RABL6: variants seen among roughly 807,000 people sequenced by gnomAD.
RABL6 encodes the protein RAB, member RAS oncogene family like 6.
In RABL6, 28 loss-of-function variants were observed where a neutral mutation model predicts 72.9. The observed-to-expected ratio is 0.38, with a 90% CI of 0.28 to 0.53. The LOEUF (loss-of-function observed/expected upper bound fraction) is 0.53, where lower values mean the gene tolerates loss of function less well. RABL6 is among the 20% of genes least tolerant of loss of function. The pLI, the probability that RABL6 is intolerant of heterozygous loss-of-function variation, is 0.80. For missense variants in RABL6, 1,029 were observed against 1,008.4 expected (o/e 1.02, Z -0.28); for synonymous variants, 477 against 421.2 (o/e 1.13, Z -1.62).
intron 7 of RABL6, chr9:136,832,789 T>A (rs1848505288): frequency 3.9e-6 from 1 of 253,604 alleles, no homozygotes; most frequent in African/African-American, 2.3e-5. Flanking sequence ...GTCACCGAGG[T>A]ACTCGCTGTT....
In RABL6 at chr9:136,821,749, G is replaced by A. The variant is rs377433053; in HGVS notation, c.131-1776G>A. The A allele has an allele frequency of 5.2e-6, 6 of 1,144,818 alleles. No individual in the cohort carries two copies. In the South Asian group the frequency reaches 6.7e-5, roughly 13 times the overall value. The allele number at this position is 1,144,818 out of a possible 1,614,324, so 70.9% of individuals were successfully genotyped here. On this transcript the variant is annotated intron_variant, in intron 1 of 14. Transcript: ENST00000311502. The stretch of plus-strand genomic sequence containing the variant: ...TGCTGTGCTCTCCACAGGCCGGGCC[G>A]CCGGGCTGGAGGGCGCTGCAGGCGG...
chr9:136,825,816 A>G lies in RABL6; in HGVS notation c.303A>G (p.Val101=), dbSNP rs753236429. Residue 101 remains valine (V), a synonymous_variant, in exon 3 of 15, where the codon GTA becomes GTG. Transcript: ENST00000311502. ...TCGTGAAGGTTGAAGTCTGGGATGT[A>G]GTAGACAAAGGTGAGGCGTCTCTGT... The part of the protein sequence containing the change: ...DDIVKVEVWD[V]VDKGKCKKRG... 6.2e-6 allele frequency: 10 copies of G among 1,612,958 alleles called. No individual in the cohort carries two copies. The highest frequency in any genetic ancestry group is 2.2e-5 in the South Asian group (2 of 91,046).
rs1443515546 is a variant in RABL6, at chr9:136,840,696, C to T, written c.*174C>T. ...AGGCTGGGCCCTGCAGGTGCTGGGC[C>T]TTCAGGCCCAGTGTGAGCCTGCTCT... On this transcript the variant is annotated 3_prime_UTR_variant, in exon 15 of 15. Transcript: ENST00000311502. 3.2e-6 allele frequency: 5 copies of T among 1,548,994 alleles called. No individual in the cohort carries two copies. The highest frequency in any genetic ancestry group is 4.4e-6 in the Non-Finnish European group (5 of 1,146,852).
chr9:136,820,482 C>T (rs977156331), intron 1 of RABL6, among the ~76,000 whole-genome samples: 2 of 152,106 alleles, frequency 1.3e-5, no homozygotes, highest in Admixed American at 6.5e-5. Flanking sequence ...AGCAATTCTC[C>T]TGCCTCAGCC....
chr9:136,840,758 C>T lies in RABL6; in HGVS notation c.*236C>T, dbSNP rs750443023. On this transcript the variant is annotated 3_prime_UTR_variant, in exon 15 of 15. Coordinates refer to ENST00000311502, the MANE Select transcript of RABL6 (RefSeq NM_024718.5). ...GGGGACAGCTGGCTTCAGCCAGGCT[C>T]GGTGGACACCCTGGCCCTCTCGGGG... 8.8e-5 allele frequency: 137 copies of T among 1,548,088 alleles called. No homozygotes were observed. Among genetic ancestry groups the T allele is most frequent in the African/African-American group, 2.7e-5 (2 of 72,984 alleles).
At chr9:136,821,073 C>G (rs1367753760) in intron 1 of RABL6, among the ~76,000 whole-genome samples, 3 of 152,228 alleles carry the variant, frequency 2.0e-5, no homozygotes, top group Non-Finnish European at 4.4e-5. Context: ...AATGAGCTCC[C>G]CGCGTTCATG....
In RABL6 at chr9:136,839,433, G is replaced by C; in HGVS notation, c.1705G>C (p.Val569Leu). 6.2e-7 allele frequency: 1 copy of C among 1,612,608 alleles called. No homozygotes were observed. Among genetic ancestry groups the C allele is most frequent in the East Asian group, 2.2e-5 (1 of 44,872 alleles). Reference sequence around the variant, plus strand: ...CATTGCTGCACAAATGCTGTCCTTCGTCATGGATGACCCCGACTTTGAGAG... The same window carrying C: ...CATTGCTGCACAAATGCTGTCCTTCCTCATGGATGACCCCGACTTTGAGAG... ...GPIAAQMLSF[V>L]MDDPDFESEG... The change falls in exon 12 of 15, where the codon GTC becomes CTC. Residue 569 changes from valine (V) to leucine (L), a missense_variant. This residue lies in a region of RABL6 where 595 missense variants were observed against 472.4 expected (regional missense o/e 1.26). Transcript: ENST00000311502.
At chr9:136,835,705 G>A (rs1396487568) in intron 7 of RABL6, 37 bp from the exon 8 acceptor site, 1 of 1,516,652 alleles carries the variant, frequency 6.6e-7, no homozygotes. Flanking sequence ...GCAGCAGGAA[G>A]GAGCCCTGCT....
At chr9:136,834,970 CAAAA>C (rs781136835) in intron 7 of RABL6, among the ~76,000 whole-genome samples, 4 of 117,484 alleles carry the variant, frequency 3.4e-5, no homozygotes, top group Non-Finnish European at 7.3e-5. Context: ...AAAGATGATT[CAAAA>C]AAAAAAAAAG....
intron 1 of RABL6, among the ~76,000 whole-genome samples, chr9:136,810,536 C>T (rs1244682636): frequency 6.6e-6 from 1 of 152,100 alleles, no homozygotes; most frequent in African/African-American, 2.4e-5. Flanking sequence ...TATTTCTTTT[C>T]TTTTCTTTTC....
chr9:136,820,991 AGT>A (rs960053960), intron 1 of RABL6, among the ~76,000 whole-genome samples: 1 of 152,146 alleles, frequency 6.6e-6, no homozygotes, highest in Non-Finnish European at 1.5e-5. Context: ...CGTATCGCTG[AGT>A]GAGAGAAATT....
intron 8 of RABL6, chr9:136,836,778 G>A (rs567105493): frequency 1.6e-5 from 3 of 182,626 alleles, no homozygotes; most frequent in East Asian, 1.5e-4. Context: ...TCTGCATGGA[G>A]CCCCCAACAG....
intron 1 of RABL6, chr9:136,821,846 C>A: frequency 8.3e-7 from 1 of 1,210,084 alleles, no homozygotes; most frequent in East Asian, 6.4e-5. Flanking sequence ...GTGGGCTCGG[C>A]CGGGAGAAGC....
chr9:136,821,973 C>T lies in RABL6; in HGVS notation c.131-1552C>T. 3.9e-6 allele frequency: 5 copies of T among 1,289,468 alleles called. 1 individual carries two copies. In the South Asian group the frequency reaches 4.9e-5, roughly 13 times the overall value. The allele number at this position is 1,289,468 out of a possible 1,614,324, so 79.9% of individuals were successfully genotyped here. The stretch of plus-strand genomic sequence containing the variant: ...GCCGGCGCCGAGATATGACCAGAGG[C>T]GTTGAAAGTTGGCGCGTTGAGGTAC... On this transcript the variant is annotated intron_variant, in intron 1 of 14. Coordinates refer to ENST00000311502, the MANE Select transcript of RABL6 (RefSeq NM_024718.5).
At position 136,837,592 on chromosome 9, in the gene RABL6, C is replaced by T. The variant is rs1443060302; in HGVS notation, c.1056C>T (p.Ala352=). ...CACCTGCGTGCCCCTCAGCCCCCGC[C>T]CCACGGCGCAGCATCATCTCTAGGC... The part of the protein sequence containing the change: ...LPPPACPSAP[A]PRRSIISRLF... The change falls in exon 9 of 15, where the codon GCC becomes GCT. Residue 352 remains alanine, a synonymous_variant. Coordinates refer to ENST00000311502, the MANE Select transcript of RABL6 (RefSeq NM_024718.5). The T allele has an allele frequency of 3.1e-6, 5 of 1,591,896 alleles. 1 individual carries two copies. In the South Asian group the frequency reaches 4.6e-5, roughly 14 times the overall value.
intron 7 of RABL6, among the ~76,000 whole-genome samples, chr9:136,834,713 G>GA (rs1848553281): frequency 6.6e-6 from 1 of 151,998 alleles, no homozygotes; most frequent in African/African-American, 2.4e-5. Flanking sequence ...TCTTGACCTC[G>GA]TGATCTGCCC....
Position 136,840,614 on chromosome 9 carries a change from C to T in RABL6, c.*92C>T. On this transcript the variant is annotated 3_prime_UTR_variant, in exon 15 of 15. Transcript: ENST00000311502. ...CTCTGTACCATCGCCTTTGCCGCTG[C>T]CCCGTGGCTGCCGTGTGCGCTTCTG... The T allele has an allele frequency of 6.5e-7, 1 of 1,549,652 alleles. No homozygotes were observed. Among genetic ancestry groups the T allele is most frequent in the Non-Finnish European group, 8.7e-7 (1 of 1,146,852 alleles).
chr9:136,820,639 G>A (rs1848217540), intron 1 of RABL6, among the ~76,000 whole-genome samples: 1 of 152,140 alleles, frequency 6.6e-6, no homozygotes, highest in Non-Finnish European at 1.5e-5. Context: ...CCAAAGTGCT[G>A]GGATTAGAGG....
chr9:136,836,010 C>T (rs1848578378), intron 8 of RABL6, 165 bp downstream of exon 8: 4 of 624,080 alleles, frequency 6.4e-6, no homozygotes. Flanking sequence ...TTTGCACTGC[C>T]CCCAGCAGCC....
Sources: gnomAD v4.1 joint callset for allele counts (sites outside exome capture counted in the v4.1 genomes callset) on GRCh38, gnomAD v4.1.1 for gene constraint, gnomAD v4.1.1 regional missense constraint, MANE v1.5 for transcripts, NCBI Gene and HGNC (gene_info 2026-07-23, HGNC 2026-07-21) for gene names.